ITGB4: variants seen among roughly 807,000 people sequenced by gnomAD.
ITGB4 encodes the protein integrin beta-4.
In ITGB4, 159 loss-of-function variants were observed where a neutral mutation model predicts 207.6. That is an observed-to-expected ratio of 0.77 (90% confidence interval 0.67 to 0.87). The LOEUF (loss-of-function observed/expected upper bound fraction) is 0.87. Ranked by LOEUF, ITGB4 falls within the 40% of genes least tolerant of loss-of-function variation. ITGB4 has a pLI of 0.00. For missense variants in ITGB4, 2,278 were observed against 2,546.8 expected, an observed-to-expected ratio of 0.89 and a Z score of 2.27; for synonymous variants, 1,020 against 1,062.7, an observed-to-expected ratio of 0.96 and a Z score of 0.78.
At chr17:75,730,021 C>T (rs1364881436) in intron 7 of ITGB4, among the ~76,000 whole-genome samples, 1 of 152,240 alleles carries the variant, frequency 6.6e-6, no homozygotes, top group African/African-American at 2.4e-5. Flanking sequence ...ACGCCTGTGG[C>T]CCCAGCGCCT....
At chr17:75,744,553 C>T (rs1161330490) in intron 26 of ITGB4, among the ~76,000 whole-genome samples, 1 of 152,248 alleles carries the variant, frequency 6.6e-6, no homozygotes, top group African/African-American at 2.4e-5. Context: ...GTCCAGGGGG[C>T]TTTGGGTTTC....
intron 27 of ITGB4, among the ~76,000 whole-genome samples, chr17:75,749,541 T>C (rs2143326498): frequency 6.6e-6 from 1 of 152,234 alleles, no homozygotes; most frequent in Non-Finnish European, 1.5e-5. Context: ...GAAAAAATAA[T>C]CTTGTTGTTT....
In ITGB4 at chr17:75,740,728, C is replaced by G; in HGVS notation, c.2551-65C>G. On this transcript the variant is annotated intron_variant, in intron 21 of 39. Transcript: ENST00000200181. This position sits in a 1 kb window ranked among gnomAD's most constrained non-coding sequence, Gnocchi z 5.9. ...CAGAGGCTGCCTGGCTCCCTGGGTC[C>G]CCAGCCTGAGGGCTTGCCACGGGGT... 1 of 1,574,694 alleles carries G rather than the reference C, an allele frequency of 6.4e-7. No individual in the cohort carries two copies. The highest frequency in any genetic ancestry group is 8.7e-7 in the Non-Finnish European group (1 of 1,146,720).
chr17:75,740,378 C>T lies in ITGB4; in HGVS notation c.2467C>T (p.Arg823Cys), dbSNP rs757726837. The T allele has an allele frequency of 1.1e-5, 17 of 1,613,570 alleles. No homozygotes were observed. Among genetic ancestry groups the T allele is most frequent in the Non-Finnish European group, 1.4e-5 (16 of 1,179,996 alleles). Reference sequence around the variant, plus strand: ...CTTAGTGCCCTACGGGCTGTCCTTGCGCCTGGCCCGCCTTTGCACCGAGAA... The same window carrying T: ...CTTAGTGCCCTACGGGCTGTCCTTGTGCCTGGCCCGCCTTTGCACCGAGAA... ...TELVPYGLSL[R>C]LARLCTENLL... The change falls in exon 21 of 40, where the codon CGC (arginine) becomes TGC (cysteine). Residue 823 changes from arginine to cysteine, a missense_variant. Physicochemically the swap from Arg to Cys is radical, Grantham distance 180. Transcript: ENST00000200181. This position sits in a 1 kb window ranked among gnomAD's most constrained non-coding sequence, Gnocchi z 5.9.
chr17:75,738,617 G>A (rs1198469533), intron 18 of ITGB4, among the ~76,000 whole-genome samples: 2 of 152,244 alleles, frequency 1.3e-5, no homozygotes, highest in Non-Finnish European at 1.5e-5. Flanking sequence ...GGTCAGCCAC[G>A]TGCAAAAGGC....
rs78548929 is a variant in ITGB4, at chr17:75,754,962, G to A, written c.4558+147G>A. On this transcript the variant is annotated intron_variant, in intron 34 of 39. Coordinates refer to ENST00000200181, the MANE Select transcript of ITGB4 (RefSeq NM_000213.5). Reference sequence around the variant, plus strand: ...CACATGCACGCACACACGTGCACACGCATGCACACATGTACACAGACATGC... The same window carrying A: ...CACATGCACGCACACACGTGCACACACATGCACACATGTACACAGACATGC... The A allele has an allele frequency of 3.2e-4, 230 of 725,370 alleles. 1 individual carries two copies. Among genetic ancestry groups the A allele is most frequent in the Middle Eastern group, 2.3e-3 (7 of 3,066 alleles). The allele number at this position is 725,370 out of a possible 1,614,324, so 44.9% of individuals were successfully genotyped here.
chr17:75,726,195 A>G (rs1476419065), intron 2 of ITGB4, among the ~76,000 whole-genome samples: 2 of 152,190 alleles, frequency 1.3e-5, no homozygotes, highest in Non-Finnish European at 2.9e-5. Context: ...GCTCACGCCT[A>G]TAATTCCCAG....
chr17:75,742,911 AGGGCTCT>A lies in ITGB4; in HGVS notation c.2962+151_2962+157del. 1.3e-6 allele frequency: 1 copy of A among 757,062 alleles called. No individual in the cohort carries two copies. The highest frequency in any genetic ancestry group is 2.1e-6 in the Non-Finnish European group (1 of 471,410). 46.9% of individuals were successfully genotyped at this position (757,062 alleles called of 1,614,324 possible). ...GGTTTCTCCATCTGTAAAATGGGTA[AGGGCTCT>A]TTTACGGAATGCGTGGCTGTTCACC... is the stretch of plus-strand genomic sequence containing the variant. On this transcript the variant is annotated intron_variant, in intron 25 of 39. Coordinates refer to ENST00000200181, the MANE Select transcript of ITGB4 (RefSeq NM_000213.5). This position sits in a 1 kb window ranked among gnomAD's most constrained non-coding sequence, Gnocchi z 5.9.
chr17:75,740,521 C>A lies in ITGB4; in HGVS notation c.2550+60C>A. ...TGGGTATGAGGGCGGGTGAGGTGGG[C>A]AGGGCAGAGCGAATGCGGTCGTGGT... On this transcript the variant is annotated intron_variant, in intron 21 of 39. Coordinates refer to ENST00000200181, the MANE Select transcript of ITGB4 (RefSeq NM_000213.5). This position sits in a 1 kb window ranked among gnomAD's most constrained non-coding sequence, Gnocchi z 5.9. 7.4e-7 allele frequency: 1 copy of A among 1,353,582 alleles called. No individual in the cohort carries two copies. The highest frequency in any genetic ancestry group is 1.1e-6 in the Non-Finnish European group (1 of 947,556). 83.8% of individuals were successfully genotyped at this position (1,353,582 alleles called of 1,614,324 possible).
intron 23 of ITGB4, 186 bp downstream of exon 23, chr17:75,741,191 C>A: frequency 2.7e-6 from 2 of 736,088 alleles, no homozygotes; most frequent in Non-Finnish European, 2.3e-6. Context: ...ATGTGAAGTG[C>A]TTGCTATGAA....
Position 75,756,764 on chromosome 17 carries a change from G to A in ITGB4, c.4958G>A (p.Ser1653Asn). 4 of 1,612,988 alleles carry A rather than the reference G, an allele frequency of 2.5e-6. No homozygotes were observed. Among genetic ancestry groups the A allele is most frequent in the Non-Finnish European group, 3.4e-6 (4 of 1,180,026 alleles). Residue 1653 changes from serine to asparagine, a missense_variant, in exon 37 of 40, where the codon AGC becomes AAC. Coordinates refer to ENST00000200181, the MANE Select transcript of ITGB4 (RefSeq NM_000213.5). ...APGPLVFTAL[S>N]PDSLQLSWER... ...GGCCCGCTGGTGTTCACTGCCCTGA[G>A]CCCAGACTCGCTGCAGCTGAGCTGG...
chr17:75,740,615 C>A lies in ITGB4; in HGVS notation c.2550+154C>A. ...TGCCTGGCAGGGGGCATCCTGGGAT[C>A]TGTTTCCAGAGGGCAGAAGGCCAGA... is the stretch of plus-strand genomic sequence containing the variant. On this transcript the variant is annotated intron_variant, in intron 21 of 39. Coordinates refer to ENST00000200181, the MANE Select transcript of ITGB4 (RefSeq NM_000213.5). This position sits in a 1 kb window ranked among gnomAD's most constrained non-coding sequence, Gnocchi z 5.9. 1.0e-6 allele frequency: 1 copy of A among 956,080 alleles called. No homozygotes were observed. The highest frequency in any genetic ancestry group is 1.6e-6 in the Non-Finnish European group (1 of 608,406). 59.2% of individuals were successfully genotyped at this position (956,080 alleles called of 1,614,324 possible).
At position 75,731,650 on chromosome 17, in the gene ITGB4, G is replaced by A. The variant is rs577111721; in HGVS notation, c.1216-162G>A. On this transcript the variant is annotated intron_variant, in intron 10 of 39. Coordinates refer to ENST00000200181, the MANE Select transcript of ITGB4 (RefSeq NM_000213.5). The surrounding 1 kb of genome is among the most constrained non-coding windows in gnomAD (Gnocchi z 6.8). Reference sequence around the variant, plus strand: ...TCATTGTCGCTATGATTGTGACTGCGCTGGGAAGGAGGGAGTTTCCAGCCC... The same window carrying A: ...TCATTGTCGCTATGATTGTGACTGCACTGGGAAGGAGGGAGTTTCCAGCCC... Among the ~76,000 whole-genome samples, 83 of 152,328 alleles carry A rather than the reference G, an allele frequency of 5.4e-4. No individual in the cohort carries two copies. The highest frequency in any genetic ancestry group is 1.9e-3 in the African/African-American group (80 of 41,572).
intron 30 of ITGB4, 34 bp downstream of exon 30, chr17:75,751,145 G>C (rs752932988): frequency 3.7e-6 from 6 of 1,610,230 alleles, no homozygotes; most frequent in Middle Eastern, 1.6e-4. Context: ...TGCCCACAGG[G>C]AGAACAGCCA....
Position 75,731,934 on chromosome 17 carries a change from G to A in ITGB4, c.1338G>A (p.Met446Ile), listed in dbSNP as rs1166861773. The A allele has an allele frequency of 6.2e-7, 1 of 1,614,076 alleles. No individual in the cohort carries two copies. Among genetic ancestry groups the A allele is most frequent in the South Asian group, 1.1e-5 (1 of 91,082 alleles). The change falls in exon 11 of 40, where the codon ATG becomes ATA. Residue 446 changes from methionine to isoleucine, a missense_variant. Met to Ile is a conservative substitution (Grantham distance 10). Transcript: ENST00000200181. This position sits in a 1 kb window ranked among gnomAD's most constrained non-coding sequence, Gnocchi z 6.8. Reference sequence around the variant, plus strand: ...CTTCCTTCTCCGACGGCCTCAAGATGGACGCGGGCATCATCTGTGATGTGT... The same window carrying A: ...CTTCCTTCTCCGACGGCCTCAAGATAGACGCGGGCATCATCTGTGATGTGT... ...LKPSFSDGLKMDAGIICDVCT... is the reference protein window; with the variant it reads ...LKPSFSDGLKIDAGIICDVCT...
At position 75,757,298 on chromosome 17, in the gene ITGB4, C is replaced by A; in HGVS notation, c.5317C>A (p.Pro1773Thr). The change falls in exon 39 of 40, where the codon CCC becomes ACC. Residue 1773 changes from proline (P) to threonine (T), a missense_variant. Pro to Thr is a conservative substitution (Grantham distance 38). Transcript: ENST00000200181. ...CACCACCCACACCAGCGCCACCGAG[C>A]CCTTCCTAGTGGGTGAGCACTGAGG... is the stretch of plus-strand genomic sequence containing the variant. ...ITTTHTSATE[P>T]FLVDGLTLGA... 6.2e-7 allele frequency: 1 copy of A among 1,612,118 alleles called. No individual in the cohort carries two copies. Among genetic ancestry groups the A allele is most frequent in the Non-Finnish European group, 8.5e-7 (1 of 1,179,982 alleles).
At chr17:75,741,917 T>C (rs2061120655) in intron 23 of ITGB4, among the ~76,000 whole-genome samples, 1 of 152,162 alleles carries the variant, frequency 6.6e-6, no homozygotes, top group Admixed American at 6.5e-5. Flanking sequence ...TCGTCAAGCC[T>C]GTGAGGTAGA....
intron 14 of ITGB4, 35 bp from the exon 15 acceptor site, chr17:75,736,253 C>T: frequency 6.2e-7 from 1 of 1,605,624 alleles, no homozygotes; most frequent in Non-Finnish European, 8.5e-7. Context: ...AGGGATGGGG[C>T]ACAGCTGGCT....
chr17:75,755,967 G>A (rs1399060172), intron 35 of ITGB4, 117 bp downstream of exon 35: 1 of 1,276,426 alleles, frequency 7.8e-7, no homozygotes, highest in Non-Finnish European at 1.1e-6. Context: ...GAGCGCTAAA[G>A]CCCCCATCCA....
Sources: allele counts gnomAD v4.1 joint callset (sites outside exome capture counted in the v4.1 genomes callset), GRCh38; gene constraint gnomAD v4.1.1; non-coding constraint Gnocchi (gnomAD v3.1); transcripts MANE v1.5; gene names NCBI Gene and HGNC (gene_info 2026-07-23, HGNC 2026-07-21).